Variants in CDH22 observed in about 807,000 individuals in gnomAD.
CDH22 encodes the protein cadherin 22.
CDH22 carries 30 observed loss-of-function variants against 58.4 expected under a neutral mutation model. The ratio of observed to expected loss-of-function variants is 0.51; its 90% CI spans 0.38 to 0.70. CDH22 has a LOEUF of 0.70. Ranked by LOEUF, CDH22 falls within the 30% of genes least tolerant of loss-of-function variation. The pLI, the probability that CDH22 is intolerant of heterozygous loss-of-function variation, is 0.00. For synonymous variants in CDH22, 513 were observed against 558.2 expected (o/e 0.92, Z 1.14); for missense variants, 1,014 against 1,233.9 (o/e 0.82, Z 2.67).
chr20:46,235,586 A>C (rs2086246574), intron 3 of CDH22, among the ~76,000 whole-genome samples: 1 of 152,204 alleles, frequency 6.6e-6, no homozygotes, highest in African/African-American at 2.4e-5. Flanking sequence ...CTCTTCCTGG[A>C]GCAGTCCCCA....
Position 46,251,044 on chromosome 20 carries a change from C to A in CDH22, c.251G>T (p.Gly84Val). ...TGGAGTGGGGCCCCACTTTACCTTG[C>A]CCACATACAGGGGCTCCGTGCCCGT... ...EYTGTEPLYVGKIHSDSDEGD... is the reference protein window; with the variant it reads ...EYTGTEPLYVVKIHSDSDEGD... The change falls in exon 2 of 12, where the codon GGC becomes GTC. Residue 84 changes from glycine to valine, a missense_variant. By Grantham distance (109) the Gly-to-Val change is moderately radical (BLOSUM62 -3). This residue lies in a region of CDH22 where 806 missense variants were observed against 1,038.7 expected (regional missense o/e 0.78). Coordinates refer to ENST00000537909, the MANE Select transcript of CDH22 (RefSeq NM_021248.3). This position sits in a 1 kb window ranked among gnomAD's most constrained non-coding sequence, Gnocchi z 6.7. 6.2e-7 allele frequency: 1 copy of A among 1,607,806 alleles called. No homozygotes were observed. Among genetic ancestry groups the A allele is most frequent in the East Asian group, 2.3e-5 (1 of 44,314 alleles).
intron 7 of CDH22, among the ~76,000 whole-genome samples, chr20:46,200,538 T>G (rs2085952397): frequency 6.6e-6 from 1 of 151,388 alleles, no homozygotes; most frequent in South Asian, 2.1e-4. Context: ...CGCCTTGGCC[T>G]CCCAAAGTGT....
chr20:46,233,009 G>A (rs1030890630), intron 3 of CDH22, among the ~76,000 whole-genome samples: 7 of 152,218 alleles, frequency 4.6e-5, no homozygotes, highest in African/African-American at 7.2e-5. Context: ...ACAGAAGTTC[G>A]TGGGGCAGAG....
Position 46,251,997 on chromosome 20 carries a change from G to A in CDH22, c.-399-304C>T, listed in dbSNP as rs1220556474. 1.3e-5 allele frequency among the ~76,000 whole-genome samples: 2 copies of A among 151,880 alleles called. No homozygotes were observed. Among genetic ancestry groups the A allele is most frequent in the Admixed American group, 1.3e-4 (2 of 15,250 alleles). ...CAGCCCTCATGCCCACACAAGGAGA[G>A]ACCCTAGTAGGCGGTGCCCCTGACC... On this transcript the variant is annotated intron_variant, in intron 1 of 11. Transcript: ENST00000537909. This position sits in a 1 kb window ranked among gnomAD's most constrained non-coding sequence, Gnocchi z 6.7.
chr20:46,182,301 C>G (rs761756431), intron 10 of CDH22, among the ~76,000 whole-genome samples: 2 of 152,184 alleles, frequency 1.3e-5, no homozygotes, highest in Non-Finnish European at 2.9e-5. Flanking sequence ...GGTCCCTGTC[C>G]TTGCTGGGCC....
intron 1 of CDH22, among the ~76,000 whole-genome samples, chr20:46,260,430 T>A (rs911235531): frequency 6.6e-6 from 1 of 152,258 alleles, no homozygotes; most frequent in African/African-American, 2.4e-5. Flanking sequence ...CCTGTCTGGC[T>A]GGGTCTCCCT....
intron 3 of CDH22, among the ~76,000 whole-genome samples, chr20:46,231,251 C>A (rs2086219148): frequency 6.6e-6 from 1 of 152,122 alleles, no homozygotes; most frequent in African/African-American, 2.4e-5. Flanking sequence ...GATCTCAGGG[C>A]CCATGGATCC....
At chr20:46,245,458 C>T (rs1196808780) in intron 2 of CDH22, among the ~76,000 whole-genome samples, 1 of 152,188 alleles carries the variant, frequency 6.6e-6, no homozygotes, top group Non-Finnish European at 1.5e-5. Context: ...TTGTCTCTGT[C>T]AGAACTCTCT....
intron 1 of CDH22, among the ~76,000 whole-genome samples, chr20:46,256,408 G>T (rs946721181): frequency 5.3e-5 from 8 of 152,198 alleles, no homozygotes; most frequent in African/African-American, 1.9e-4. Context: ...TTTAAACAGA[G>T]ATCTGAAGTG....
At chr20:46,254,747 T>C (rs1279333517) in intron 1 of CDH22, among the ~76,000 whole-genome samples, 2 of 151,816 alleles carry the variant, frequency 1.3e-5, no homozygotes, top group Non-Finnish European at 2.9e-5. Flanking sequence ...GTTAAAGATA[T>C]GGTATCAGGG....
chr20:46,265,365 C>G (rs2086454417), intron 1 of CDH22, among the ~76,000 whole-genome samples: 2 of 152,092 alleles, frequency 1.3e-5, no homozygotes, highest in South Asian at 4.1e-4. Flanking sequence ...TACAATTCAG[C>G]CTTGATAATG....
intron 1 of CDH22, among the ~76,000 whole-genome samples, chr20:46,270,905 C>T (rs1046784162): frequency 1.3e-5 from 2 of 152,212 alleles, no homozygotes; most frequent in Non-Finnish European, 2.9e-5. Flanking sequence ...AGGCAGGCCA[C>T]CTCATCTCTC....
At chr20:46,290,170 AG>A (rs1312764651) in intron 1 of CDH22, among the ~76,000 whole-genome samples, 1 of 152,230 alleles carries the variant, frequency 6.6e-6, no homozygotes, top group Non-Finnish European at 1.5e-5. Flanking sequence ...CATCAACTTG[AG>A]GGGCTCAACT....
At chr20:46,307,945 C>T (rs961711615) in intron 1 of CDH22, among the ~76,000 whole-genome samples, 5 of 151,792 alleles carry the variant, frequency 3.3e-5, no homozygotes, top group Admixed American at 2.0e-4. Context: ...GCGGGGGTCC[C>T]GGAGGCTCCC....
intron 10 of CDH22, among the ~76,000 whole-genome samples, chr20:46,184,682 A>C (rs113259315): frequency 6.6e-6 from 1 of 152,272 alleles, no homozygotes; most frequent in African/African-American, 2.4e-5. Context: ...AACACTCACT[A>C]AATAATTGCT....
chr20:46,229,022 G>A (rs138786836), intron 3 of CDH22, among the ~76,000 whole-genome samples: 4 of 151,928 alleles, frequency 2.6e-5, no homozygotes, highest in South Asian at 4.2e-4. Flanking sequence ...CTCCTAAAAC[G>A]TCCCTGCAAT....
chr20:46,176,251 A>G (rs1385409046), intron 11 of CDH22, among the ~76,000 whole-genome samples: 2 of 152,126 alleles, frequency 1.3e-5, no homozygotes, highest in Non-Finnish European at 2.9e-5. Flanking sequence ...GACAATCCCC[A>G]TATCTCAGCC....
In CDH22 at chr20:46,288,703, C is replaced by T. The variant is rs550793045; in HGVS notation, c.-400+19552G>A. 1.2e-4 allele frequency among the ~76,000 whole-genome samples: 18 copies of T among 152,296 alleles called. No individual in the cohort carries two copies. The South Asian group carries it at 2.5e-3, about 21-fold the overall frequency. ...GCAACTCCATGCTTCCAGCTGCTTC[C>T]GCCAAAAGCCTTGAAGTCAGTCTTG... On this transcript the variant is annotated intron_variant, in intron 1 of 11. Transcript: ENST00000537909.
At chr20:46,181,223 C>T (rs941946688) in intron 10 of CDH22, among the ~76,000 whole-genome samples, 15 of 152,074 alleles carry the variant, frequency 9.9e-5, no homozygotes, top group Admixed American at 8.5e-4. Context: ...CAAATAAACC[C>T]ACAATTTAGT....
Sources: allele counts gnomAD v4.1 joint callset (sites outside exome capture counted in the v4.1 genomes callset), GRCh38; gene constraint gnomAD v4.1.1; regional missense constraint gnomAD v4.1.1; non-coding constraint Gnocchi (gnomAD v3.1); transcripts MANE v1.5; gene names NCBI Gene and HGNC (gene_info 2026-07-23, HGNC 2026-07-21).